Variants in RAB31 observed in about 807,000 individuals in gnomAD.
The protein encoded by RAB31 is ras-related protein Rab-31.
A neutral mutation model predicts 25.6 loss-of-function variants in RAB31; 21 were observed. That is an observed-to-expected ratio of 0.82 (90% CI 0.58 to 1.18). RAB31 has a LOEUF of 1.18. Ranked by LOEUF, RAB31 falls within the 50% of genes most tolerant of loss-of-function variation. The pLI, the probability that RAB31 is intolerant of heterozygous loss-of-function variation, is 0.00. For synonymous variants in RAB31, 87 were observed against 84.0 expected (o/e 1.04, Z -0.20); for missense variants, 196 against 250.1 (o/e 0.78, Z 1.46).
intron 5 of RAB31, among the ~76,000 whole-genome samples, chr18:9,828,422 G>A (rs568260931): frequency 6.6e-6 from 1 of 152,248 alleles, no homozygotes; most frequent in African/African-American, 2.4e-5. Context: ...AGGAGGCTGT[G>A]GGAGCCGTTC....
chr18:9,774,368 G>A (rs1277890694), intron 1 of RAB31, among the ~76,000 whole-genome samples: 1 of 152,132 alleles, frequency 6.6e-6, no homozygotes, highest in Non-Finnish European at 1.5e-5. Context: ...TATGTGGCCT[G>A]GGGCTCCAAG....
chr18:9,857,676 G>GAT (rs1491259754), intron 6 of RAB31, among the ~76,000 whole-genome samples: 4 of 123,978 alleles, frequency 3.2e-5, no homozygotes, highest in Non-Finnish European at 7.6e-5. Flanking sequence ...TAGATAGATA[G>GAT]ATAGATAGAT....
intron 1 of RAB31, among the ~76,000 whole-genome samples, chr18:9,765,471 G>A (rs2068311228): frequency 2.0e-5 from 3 of 152,192 alleles, no homozygotes; most frequent in African/African-American, 7.2e-5. Context: ...CAACAGCACA[G>A]GATGGACTTG....
At chr18:9,811,758 A>G (rs1183753740) in intron 3 of RAB31, among the ~76,000 whole-genome samples, 2 of 152,238 alleles carry the variant, frequency 1.3e-5, no homozygotes, top group South Asian at 2.1e-4. Flanking sequence ...ATATAATGAT[A>G]AATTAACCAC....
intron 5 of RAB31, among the ~76,000 whole-genome samples, chr18:9,826,306 G>A (rs1599055893): frequency 6.6e-6 from 1 of 152,236 alleles, no homozygotes; most frequent in Non-Finnish European, 1.5e-5. Flanking sequence ...AACCCAGGAG[G>A]CAGAGGTTGC....
intron 3 of RAB31, among the ~76,000 whole-genome samples, chr18:9,799,752 T>C (rs886132053): frequency 3.3e-5 from 5 of 152,236 alleles, no homozygotes; most frequent in African/African-American, 9.6e-5. Context: ...AGTGGTGATA[T>C]GGTAATTCAT....
intron 3 of RAB31, among the ~76,000 whole-genome samples, chr18:9,805,674 C>T (rs1208446767): frequency 2.0e-5 from 3 of 152,226 alleles, no homozygotes; most frequent in African/African-American, 4.8e-5. Flanking sequence ...ACTCCAGTTT[C>T]TCTGCTGCTC....
At chr18:9,827,882 G>A (rs1003237373) in intron 5 of RAB31, among the ~76,000 whole-genome samples, 1 of 152,180 alleles carries the variant, frequency 6.6e-6, no homozygotes, top group Non-Finnish European at 1.5e-5. Context: ...GCCAAGAAAG[G>A]GGGTGGGGAA....
At chr18:9,846,812 G>A (rs115121507) in intron 6 of RAB31, among the ~76,000 whole-genome samples, 3,428 of 152,296 alleles carry the variant, frequency 0.023, 152 homozygotes, top group African/African-American at 0.078. Flanking sequence ...ATTCATTGGA[G>A]ATGGGGAATT....
chr18:9,718,618 G>T (rs920037817), intron 1 of RAB31, among the ~76,000 whole-genome samples: 1 of 152,210 alleles, frequency 6.6e-6, no homozygotes, highest in Middle Eastern at 3.2e-3. Flanking sequence ...TTATCAAGTA[G>T]TTTAGTCTTT....
chr18:9,845,831 A>G (rs1404682981), intron 6 of RAB31, 140 bp downstream of exon 6: 15 of 1,316,354 alleles, frequency 1.1e-5, no homozygotes, highest in Non-Finnish European at 1.4e-5. Context: ...ATCTACAGCT[A>G]TGCAGTTGTT....
At chr18:9,846,036 T>C (rs16955765) in intron 6 of RAB31, among the ~76,000 whole-genome samples, 9,457 of 152,126 alleles carry the variant, frequency 0.062, 622 homozygotes, top group African/African-American at 0.16. Flanking sequence ...GAACTCAAGG[T>C]CACCCATTAG....
Position 9,766,562 on chromosome 18 carries a change from T to G in RAB31, c.40-8716T>G, listed in dbSNP as rs71362102. ...TGCAGACTTCTGCCTGTTTCTCTCT[T>G]TATGTTATTTCTTTATGCCCACAAG... On this transcript the variant is annotated intron_variant, in intron 1 of 6. Coordinates refer to ENST00000578921, the MANE Select transcript of RAB31 (RefSeq NM_006868.4). The surrounding 1 kb of genome is among the most constrained non-coding windows in gnomAD (Gnocchi z 4.3). Among the ~76,000 whole-genome samples, 7,389 of 152,262 alleles carry G rather than the reference T, an allele frequency of 0.049. 325 individuals carry two copies. The highest frequency in any genetic ancestry group is 0.13 in the South Asian group (610 of 4,828).
intron 1 of RAB31, among the ~76,000 whole-genome samples, chr18:9,717,659 G>C (rs1023795128): frequency 2.6e-5 from 4 of 152,118 alleles, no homozygotes; most frequent in African/African-American, 9.7e-5. Context: ...GGGAGAAAGT[G>C]GAGAGAAGAA....
At chr18:9,771,130 C>T (rs2068342847) in intron 1 of RAB31, among the ~76,000 whole-genome samples, 1 of 152,086 alleles carries the variant, frequency 6.6e-6, no homozygotes, top group Admixed American at 6.5e-5. Context: ...ATGATTGCAC[C>T]ACTGCATTCC....
intron 3 of RAB31, among the ~76,000 whole-genome samples, chr18:9,812,364 G>A (rs1024143610): frequency 6.6e-6 from 1 of 152,112 alleles, no homozygotes; most frequent in South Asian, 2.1e-4. Context: ...GAATTGCTGG[G>A]TCAAATGGGA....
At chr18:9,719,298 A>AAATAT (rs1568161256) in intron 1 of RAB31, among the ~76,000 whole-genome samples, 1 of 23,104 alleles carries the variant, frequency 4.3e-5, no homozygotes, top group Non-Finnish European at 9.0e-5. Flanking sequence ...AAAAAAAAAA[A>AAATAT]ATATATATAT....
rs140545742 is a variant in RAB31, at chr18:9,708,536, C to G, written c.39+92C>G. 2.3e-5 allele frequency: 27 copies of G among 1,151,052 alleles called. No individual in the cohort carries two copies. The highest frequency in any genetic ancestry group is 3.1e-5 in the Non-Finnish European group (26 of 849,262). The allele number at this position is 1,151,052 out of a possible 1,614,324, so 71.3% of individuals were successfully genotyped here. ...TCCCTGCGCGCTCAGTCCCCGTGAT[C>G]CCCTCGCTCTCCGCACCCCTCTCGT... On this transcript the variant is annotated intron_variant, in intron 1 of 6. Transcript: ENST00000578921. This position sits in a 1 kb window ranked among gnomAD's most constrained non-coding sequence, Gnocchi z 6.4.
chr18:9,759,195 T>C (rs961572764), intron 1 of RAB31, among the ~76,000 whole-genome samples: 1 of 152,014 alleles, frequency 6.6e-6, no homozygotes, highest in Non-Finnish European at 1.5e-5. Context: ...CTTTTTGTTT[T>C]TGTTTTTGTT....
Sources: gnomAD v4.1 joint callset for allele counts (sites outside exome capture counted in the v4.1 genomes callset) on GRCh38, gnomAD v4.1.1 for gene constraint, Gnocchi (gnomAD v3.1) non-coding constraint, MANE v1.5 for transcripts, NCBI Gene and HGNC (gene_info 2026-07-23, HGNC 2026-07-21) for gene names.